Variants in PCDH9 observed in about 807,000 individuals in gnomAD.
PCDH9 encodes the protein protocadherin 9.
A neutral mutation model predicts 70.6 loss-of-function variants in PCDH9; 24 were observed. That is an observed-to-expected ratio of 0.34 (90% CI 0.25 to 0.48). PCDH9 has a LOEUF of 0.48. PCDH9 is among the 20% of genes least tolerant of loss of function. The pLI is 0.99. For synonymous variants in PCDH9, 562 were observed against 558.5 expected, an observed-to-expected ratio of 1.01 and a Z score of -0.09; for missense variants, 1,281 against 1,503.6, an observed-to-expected ratio of 0.85 and a Z score of 2.45.
At chr13:66,315,600 G>A (rs1236306055) in intron 4 of PCDH9, among the ~76,000 whole-genome samples, 1 of 152,016 alleles carries the variant, frequency 6.6e-6, no homozygotes, top group South Asian at 2.1e-4. Flanking sequence ...TCCTGCCTCC[G>A]CCTCCTGAGT....
chr13:66,843,670 G>A (rs939078636), intron 3 of PCDH9, among the ~76,000 whole-genome samples: 7 of 152,142 alleles, frequency 4.6e-5, no homozygotes, highest in Admixed American at 2.0e-4. Context: ...TAGGGAGATG[G>A]GGTGAATATC....
At chr13:66,793,890 T>C (rs1840244957) in intron 3 of PCDH9, among the ~76,000 whole-genome samples, 1 of 152,162 alleles carries the variant, frequency 6.6e-6, no homozygotes, top group South Asian at 2.1e-4. Flanking sequence ...GAAACGATAA[T>C]GGAATTTAAA....
intron 2 of PCDH9, among the ~76,000 whole-genome samples, chr13:67,071,662 G>A (rs540038975): frequency 9.5e-4 from 145 of 151,870 alleles, no homozygotes; most frequent in Admixed American, 1.7e-3. Context: ...AGGCTGAGGC[G>A]GTAGATCACC....
intron 2 of PCDH9, among the ~76,000 whole-genome samples, chr13:67,062,136 T>C (rs2085551032): frequency 6.6e-6 from 1 of 152,162 alleles, no homozygotes; most frequent in Admixed American, 6.6e-5. Flanking sequence ...CTTACACTGT[T>C]TCACCTGGCC....
At chr13:66,535,415 T>C (rs914661138) in intron 4 of PCDH9, among the ~76,000 whole-genome samples, 1 of 152,056 alleles carries the variant, frequency 6.6e-6, no homozygotes, top group Non-Finnish European at 1.5e-5. Flanking sequence ...CCAAATATTC[T>C]TGTTGAAAGT....
At chr13:66,454,762 T>C (rs1958283964) in intron 4 of PCDH9, among the ~76,000 whole-genome samples, 1 of 152,190 alleles carries the variant, frequency 6.6e-6, no homozygotes, top group African/African-American at 2.4e-5. Context: ...AGAGTATAAA[T>C]TAGTCCTATG....
intron 3 of PCDH9, among the ~76,000 whole-genome samples, chr13:66,798,286 T>C (rs1013968459): frequency 6.6e-6 from 1 of 152,132 alleles, no homozygotes; most frequent in Non-Finnish European, 1.5e-5. Context: ...ATGCCGTAAA[T>C]AATTTGATTT....
intron 3 of PCDH9, among the ~76,000 whole-genome samples, chr13:66,742,375 A>G (rs1375754287): frequency 3.6e-5 from 3 of 82,544 alleles, no homozygotes; most frequent in Non-Finnish European, 6.7e-5. Flanking sequence ...CGTTAGACCT[A>G]AAACCATAAA....
At chr13:67,110,340 C>A (rs938768711) in intron 2 of PCDH9, among the ~76,000 whole-genome samples, 8 of 151,522 alleles carry the variant, frequency 5.3e-5, no homozygotes, top group African/African-American at 1.9e-4. Context: ...CACGGTGAAA[C>A]CCCGTCTCCA....
intron 4 of PCDH9, among the ~76,000 whole-genome samples, chr13:66,330,961 T>G (rs989885903): frequency 2.0e-5 from 3 of 152,162 alleles, no homozygotes; most frequent in Non-Finnish European, 4.4e-5. Context: ...TGCAGGATAT[T>G]TTATTTATGT....
At chr13:67,052,389 C>T (rs1399965012) in intron 2 of PCDH9, among the ~76,000 whole-genome samples, 1 of 151,988 alleles carries the variant, frequency 6.6e-6, no homozygotes, top group African/African-American at 2.4e-5. Context: ...GGTTAATGGG[C>T]TCCAGGAACT....
chr13:67,094,807 G>A (rs2086288469), intron 2 of PCDH9, among the ~76,000 whole-genome samples: 1 of 151,946 alleles, frequency 6.6e-6, no homozygotes, highest in African/African-American at 2.4e-5. Context: ...TCCATTCTTG[G>A]GAAATCTAAC....
chr13:67,027,201 T>C (rs1416680026), intron 2 of PCDH9, among the ~76,000 whole-genome samples: 2 of 152,080 alleles, frequency 1.3e-5, no homozygotes, highest in Non-Finnish European at 2.9e-5. Context: ...AGCATGGTAC[T>C]GGTACCAAAA....
At chr13:66,902,653 G>A (rs143605913) in intron 3 of PCDH9, among the ~76,000 whole-genome samples, 1 of 151,688 alleles carries the variant, frequency 6.6e-6, no homozygotes. Flanking sequence ...ACGTGAAACA[G>A]TATGTATGTT....
At chr13:67,016,940 A>G (rs925068242) in intron 2 of PCDH9, among the ~76,000 whole-genome samples, 11 of 151,936 alleles carry the variant, frequency 7.2e-5, no homozygotes, top group Non-Finnish European at 7.3e-5. Context: ...TAAGTGCTCA[A>G]TGATATTTTC....
At chr13:66,680,373 C>A (rs2078302116) in intron 3 of PCDH9, among the ~76,000 whole-genome samples, 1 of 151,888 alleles carries the variant, frequency 6.6e-6, no homozygotes, top group South Asian at 2.1e-4. Flanking sequence ...TGAAATCAAT[C>A]AATCAACTAT....
chr13:66,482,471 C>A (rs901319254), intron 4 of PCDH9, among the ~76,000 whole-genome samples: 43 of 152,104 alleles, frequency 2.8e-4, no homozygotes, highest in African/African-American at 1.0e-3. Context: ...ACTCTACCAC[C>A]CTTAGCTGCA....
chr13:66,882,120 T>C (rs922569576), intron 3 of PCDH9, among the ~76,000 whole-genome samples: 10 of 152,332 alleles, frequency 6.6e-5, no homozygotes, highest in African/African-American at 2.2e-4. Context: ...GGAACACTGG[T>C]GTCTCAGAAG....
intron 4 of PCDH9, among the ~76,000 whole-genome samples, chr13:66,589,535 A>C (rs1566440631): frequency 6.6e-6 from 1 of 152,090 alleles, no homozygotes; most frequent in Non-Finnish European, 1.5e-5. Flanking sequence ...GAATCTCATG[A>C]ATATTAAAAT....
Sources: gnomAD v4.1 joint callset for allele counts (sites outside exome capture counted in the v4.1 genomes callset) on GRCh38, gnomAD v4.1.1 for gene constraint, MANE v1.5 for transcripts, NCBI Gene and HGNC (gene_info 2026-07-23, HGNC 2026-07-21) for gene names.